The following SVOPL variants were observed in gnomAD, a reference collection of about 807,000 sequenced individuals.
SVOPL encodes SVOP like, also known as putative transporter SVOPL.
Under a neutral mutation model 61.0 loss-of-function variants are expected in SVOPL, and 60 were observed. That is an observed-to-expected ratio of 0.98 (90% CI 0.80 to 1.22). The LOEUF is 1.22. Among genes scored for constraint, SVOPL ranks in the 50% most tolerant of loss-of-function variants. The pLI is 0.00. For synonymous variants in SVOPL, 279 were observed against 250.0 expected (o/e 1.12, Z -1.09); for missense variants, 662 against 643.9 (o/e 1.03, Z -0.30).
intron 15 of SVOPL, among the ~76,000 whole-genome samples, chr7:138,595,196 C>T (rs1563075543): frequency 1.5e-5 from 2 of 130,246 alleles, no homozygotes; most frequent in African/African-American, 3.2e-5. Context: ...TATTAGGATG[C>T]TGTCTGTATG....
intron 4 of SVOPL, among the ~76,000 whole-genome samples, chr7:138,667,577 T>C (rs773438375): frequency 1.3e-5 from 2 of 152,210 alleles, no homozygotes; most frequent in Admixed American, 6.5e-5. Flanking sequence ...GTAGATTTAC[T>C]GGGCACTAAT....
At chr7:138,673,523 A>G (rs1035464657) in intron 3 of SVOPL, among the ~76,000 whole-genome samples, 2 of 151,942 alleles carry the variant, frequency 1.3e-5, no homozygotes, top group South Asian at 4.2e-4. Context: ...GGGACACGGT[A>G]CTGCACGCCT....
In SVOPL at chr7:138,659,927, G is replaced by T. The variant is rs757982706; in HGVS notation, c.407C>A (p.Ser136Ter). 6.4e-7 allele frequency: 1 copy of T among 1,551,552 alleles called. No individual in the cohort carries two copies. The highest frequency in any genetic ancestry group is 8.7e-7 in the Non-Finnish European group (1 of 1,146,984). ...CCGCAGGAAGACAAACCAGATGTACGAAGGAGCAAACGAGGTCAGCAAGGA... is the reference window on the plus strand; with the variant it reads ...CCGCAGGAAGACAAACCAGATGTACTAAGGAGCAAACGAGGTCAGCAAGGA... ...YFSLLTSFAP[S>*]YIWFVFLRTM... The change falls in exon 6 of 16, where the codon TCG (serine) becomes TAG (stop). Residue 136 changes from serine (S) to a stop codon, truncating the protein, a stop_gained. Coordinates refer to ENST00000674285, the MANE Select transcript of SVOPL (RefSeq NM_001139456.2). LOFTEE classifies it high-confidence loss of function.
At chr7:138,673,077 G>C (rs1802470818) in intron 3 of SVOPL, among the ~76,000 whole-genome samples, 1 of 152,046 alleles carries the variant, frequency 6.6e-6, no homozygotes, top group Non-Finnish European at 1.5e-5. Context: ...AGGTTATCAG[G>C]AGGAAAAAAA....
intron 14 of SVOPL, among the ~76,000 whole-genome samples, chr7:138,614,138 A>C (rs1158951715): frequency 2.0e-5 from 3 of 152,216 alleles, no homozygotes; most frequent in Admixed American, 6.5e-5. Context: ...TTGGTGCTCT[A>C]ACTGCCAAAC....
rs371114667 is a variant in SVOPL at position 138,672,019 on chromosome 7, C to T, written c.273G>A (p.Thr91=). 552 of 1,551,544 alleles carry T rather than the reference C, an allele frequency of 3.6e-4. No individual in the cohort carries two copies. Among genetic ancestry groups the T allele is most frequent in the Non-Finnish European group, 4.3e-4 (488 of 1,146,902 alleles). ...LENWQVALVT[T]MVFFGYMVFS... ...CACGGCACAGGGAGCAGGTACTTAC[C>T]GTGGTTACTAATGCCACCTGCCAAT... is the stretch of plus-strand genomic sequence containing the variant. The change falls in exon 4 of 16, where the codon ACG becomes ACA. Residue 91 remains threonine (T), a splice_region_variant and synonymous_variant. Transcript: ENST00000674285.
rs374804815 is a variant in SVOPL at position 138,687,841 on chromosome 7, C to A, written c.-34-8762G>T. ...TTTTTTAAATAGAGTCTTGCTCTGT[C>A]ACCAGGCTGGAGTGCAGTGGCATGA... is the stretch of plus-strand genomic sequence containing the variant. On this transcript the variant is annotated intron_variant, in intron 1 of 15. Coordinates refer to ENST00000674285, the MANE Select transcript of SVOPL (RefSeq NM_001139456.2). Among the ~76,000 whole-genome samples, 71 of 150,884 alleles carry A rather than the reference C, an allele frequency of 4.7e-4. 2 individuals are homozygous for A. Among genetic ancestry groups the A allele is most frequent in the African/African-American group, 1.7e-3 (70 of 41,074 alleles).
chr7:138,666,036 A>G (rs1421648524), intron 4 of SVOPL, among the ~76,000 whole-genome samples: 1 of 152,146 alleles, frequency 6.6e-6, no homozygotes, highest in Admixed American at 6.5e-5. Context: ...AAAAACAAGA[A>G]ACTGCTTCTG....
At chr7:138,658,415 T>C (rs924330145) in intron 6 of SVOPL, among the ~76,000 whole-genome samples, 1 of 152,034 alleles carries the variant, frequency 6.6e-6, no homozygotes, top group Admixed American at 6.5e-5. Context: ...AATTAATAAA[T>C]TATGTTTGGA....
At chr7:138,610,744 A>G (rs1798963425) in intron 14 of SVOPL, among the ~76,000 whole-genome samples, 1 of 152,208 alleles carries the variant, frequency 6.6e-6, no homozygotes. Flanking sequence ...ACACACCCTT[A>G]TGAGGCTCCA....
At chr7:138,608,611 CTG>C (rs1285300647) in intron 14 of SVOPL, among the ~76,000 whole-genome samples, 1 of 152,072 alleles carries the variant, frequency 6.6e-6, no homozygotes, top group East Asian at 1.9e-4. Context: ...TGCATTCACT[CTG>C]TGAAATGTGA....
chr7:138,622,145 T>A (rs1799657525), intron 13 of SVOPL, among the ~76,000 whole-genome samples: 1 of 134,374 alleles, frequency 7.4e-6, no homozygotes, highest in African/African-American at 2.6e-5. Flanking sequence ...TATGTATCTA[T>A]CTATGTATCT....
At chr7:138,597,305 G>C in intron 14 of SVOPL, 1 of 1,129,890 alleles carries the variant, frequency 8.9e-7, no homozygotes, top group South Asian at 1.4e-5. Flanking sequence ...CTATCTGGCT[G>C]AATACAATTT....
chr7:138,604,243 C>A (rs929741290), intron 14 of SVOPL, among the ~76,000 whole-genome samples: 1 of 152,052 alleles, frequency 6.6e-6, no homozygotes, highest in Non-Finnish European at 1.5e-5. Context: ...AGAGTACAGG[C>A]GTAAGCCACC....
At chr7:138,645,961 A>T in intron 8 of SVOPL, 1 of 158,666 alleles carries the variant, frequency 6.3e-6, no homozygotes, top group Non-Finnish European at 1.4e-5. Context: ...GATTACAGGC[A>T]CGCACCACCA....
intron 3 of SVOPL, among the ~76,000 whole-genome samples, chr7:138,676,899 CTTTTTTTTTTTT>C (rs1191279496): frequency 8.9e-6 from 1 of 112,820 alleles, no homozygotes; most frequent in Non-Finnish European, 1.7e-5. Context: ...CTTGGGGTTC[CTTTTTTTTTTTT>C]TTTTTTTTTT....
chr7:138,628,501 C>A lies in SVOPL; in HGVS notation c.864-138G>T, dbSNP rs985770328. ...AGCCAGGCTCAGACGCCACACAGAG[C>A]ATTCGTGGAAGTGTCTCTTACACAT... On this transcript the variant is annotated intron_variant, in intron 10 of 15. Coordinates refer to ENST00000674285, the MANE Select transcript of SVOPL (RefSeq NM_001139456.2). The A allele has an allele frequency of 4.1e-5, 34 of 819,664 alleles. 1 individual carries two copies. In the African/African-American group the frequency reaches 4.6e-4, roughly 11 times the overall value. 50.8% of individuals were successfully genotyped at this position (819,664 alleles called of 1,614,324 possible). A position where few individuals can be genotyped will look rare whatever the true frequency, so the allele number is the denominator to read the frequency against.
intron 8 of SVOPL, among the ~76,000 whole-genome samples, chr7:138,645,391 C>G (rs1231457000): frequency 6.6e-6 from 1 of 152,182 alleles, no homozygotes; most frequent in African/African-American, 2.4e-5. Flanking sequence ...TCCCGTCTCT[C>G]ACGCCTCACG....
At chr7:138,613,176 C>G (rs962360609) in intron 14 of SVOPL, among the ~76,000 whole-genome samples, 6 of 152,008 alleles carry the variant, frequency 3.9e-5, no homozygotes, top group African/African-American at 1.4e-4. Context: ...CGTGCCACCA[C>G]GCCTGGCTAA....
Sources: allele counts gnomAD v4.1 joint callset (sites outside exome capture counted in the v4.1 genomes callset), GRCh38; gene constraint gnomAD v4.1.1; transcripts MANE v1.5; gene names NCBI Gene and HGNC (gene_info 2026-07-23, HGNC 2026-07-21).